The following B4GALNT2 variants were observed in gnomAD, a reference collection of about 807,000 sequenced individuals.
B4GALNT2 encodes the protein beta-1,4-N-acetyl-galactosaminyltransferase 2 (SID blood group).
Under a neutral mutation model 51.1 loss-of-function variants are expected in B4GALNT2, and 42 were observed. That is an observed-to-expected ratio of 0.82 (90% CI 0.64 to 1.06). B4GALNT2 has a LOEUF of 1.06. Ranked by LOEUF, B4GALNT2 falls within the 50% of genes least tolerant of loss-of-function variation. B4GALNT2 has a pLI of 0.00. For synonymous variants in B4GALNT2, 253 were observed against 251.7 expected (o/e 1.01, Z -0.05); for missense variants, 602 against 633.6 (o/e 0.95, Z 0.54).
the B4GALNT2 span, among the ~76,000 whole-genome samples, chr17:49,125,367 C>T: frequency 1.3e-5 from 2 of 152,068 alleles, no homozygotes; most frequent in South Asian, 2.1e-4. Flanking sequence ...ACCATGTTGG[C>T]CAGGCTGATC....
chr17:49,142,283 A>G, intron 3 of B4GALNT2, 111 bp downstream of exon 3: 1 of 1,379,158 alleles, frequency 7.3e-7, no homozygotes, highest in Non-Finnish European at 9.9e-7. Context: ...TCTCTCTTGC[A>G]AGGGTCCCTG....
rs1029238683 is a variant in B4GALNT2, at chr17:49,174,077, G to T, written c.*4349G>T. The T allele has an allele frequency of 2.0e-5, 3 of 152,118 alleles. No homozygotes were observed. In the East Asian group the frequency reaches 5.8e-4, roughly 29 times the overall value. The allele number at this position is 152,118 out of a possible 1,614,324, so 9.4% of individuals were successfully genotyped here. On this transcript the variant is annotated 3_prime_UTR_variant, in exon 11 of 11. Coordinates refer to ENST00000393354, the MANE Select transcript of B4GALNT2 (RefSeq NM_001159387.2). Reference sequence around the variant, plus strand: ...TCCCTACATATGGTTACTTTCTGTGGCACAATGATAGTGTCATTTACTGAA... The same window carrying T: ...TCCCTACATATGGTTACTTTCTGTGTCACAATGATAGTGTCATTTACTGAA...
chr17:49,167,820 G>A (rs1163515885), intron 9 of B4GALNT2, among the ~76,000 whole-genome samples: 4 of 152,008 alleles, frequency 2.6e-5, no homozygotes, highest in Non-Finnish European at 5.9e-5. Flanking sequence ...ATATTGGCCA[G>A]GCTGCTCTCG....
chr17:49,125,838 C>G, the B4GALNT2 span, among the ~76,000 whole-genome samples: 2 of 88,130 alleles, frequency 2.3e-5, no homozygotes, highest in Non-Finnish European at 5.1e-5. Flanking sequence ...AGTGAGGAGC[C>G]CCTCTGCCCG....
chr17:49,141,776 T>A (rs1177199787), intron 2 of B4GALNT2, among the ~76,000 whole-genome samples: 1 of 152,126 alleles, frequency 6.6e-6, no homozygotes, highest in Non-Finnish European at 1.5e-5. Flanking sequence ...GGCTCTCAGA[T>A]TTAAAGAAGT....
At chr17:49,159,273 G>A in intron 6 of B4GALNT2, 56 bp downstream of exon 6, 2 of 1,543,802 alleles carry the variant, frequency 1.3e-6, no homozygotes, top group South Asian at 1.2e-5. Flanking sequence ...ATACCTCTGG[G>A]CCCTTTCAAA....
intron 5 of B4GALNT2, 134 bp from the exon 6 acceptor site, chr17:49,158,903 C>A: frequency 9.4e-7 from 1 of 1,060,508 alleles, no homozygotes; most frequent in Non-Finnish European, 1.4e-6. Flanking sequence ...CCTACACTGT[C>A]AAGGGCACCC....
intron 1 of B4GALNT2, among the ~76,000 whole-genome samples, chr17:49,134,011 T>G (rs910459587): frequency 1.3e-5 from 2 of 152,320 alleles, no homozygotes; most frequent in Middle Eastern, 3.4e-3. Flanking sequence ...AAGGCGGCTT[T>G]GCATCCATCC....
At position 49,148,999 on chromosome 17, in the gene B4GALNT2, T is replaced by G. The variant is rs115024853; in HGVS notation, c.354-3801T>G. ...TGAACCTGGGCGGTGGAGGTTGCAA[T>G]AAGCCGAGATCGTGCCACTGAATTC... is the stretch of plus-strand genomic sequence containing the variant. On this transcript the variant is annotated intron_variant, in intron 3 of 10. Coordinates refer to ENST00000393354, the MANE Select transcript of B4GALNT2 (RefSeq NM_001159387.2). 3.7e-3 allele frequency: 568 copies of G among 153,146 alleles called. 6 individuals carry two copies. The highest frequency in any genetic ancestry group is 0.013 in the African/African-American group (535 of 40,424). The allele number at this position is 153,146 out of a possible 1,614,324, so 9.5% of individuals were successfully genotyped here.
intron 9 of B4GALNT2, among the ~76,000 whole-genome samples, chr17:49,166,504 T>C (rs1488282381): frequency 6.6e-6 from 1 of 152,192 alleles, no homozygotes; most frequent in Non-Finnish European, 1.5e-5. Context: ...TTGTTTTCTT[T>C]TAAAATTGTG....
intron 1 of B4GALNT2, among the ~76,000 whole-genome samples, chr17:49,136,308 TA>T (rs1334506832): frequency 1.3e-5 from 2 of 151,644 alleles, no homozygotes; most frequent in Non-Finnish European, 2.9e-5. Context: ...TGATCATTAC[TA>T]AAAAAGAAAG....
chr17:49,156,730 G>C (rs971451159), intron 5 of B4GALNT2, 127 bp downstream of exon 5: 1 of 1,043,662 alleles, frequency 9.6e-7, no homozygotes, highest in Admixed American at 2.5e-5. Context: ...CAAGGAGGGA[G>C]GGGATGGAAG....
At chr17:49,133,283 TCTC>T (rs2042558277) in intron 1 of B4GALNT2, 2 of 1,430,648 alleles carry the variant, frequency 1.4e-6, no homozygotes, top group Non-Finnish European at 1.8e-6. Context: ...GGCGGCTTGG[TCTC>T]CTCCACAGTC....
intron 9 of B4GALNT2, 29 bp downstream of exon 9, chr17:49,166,283 C>T (rs1290698968): frequency 6.5e-7 from 1 of 1,529,454 alleles, no homozygotes; most frequent in Non-Finnish European, 8.9e-7. Flanking sequence ...TTTCACCCAG[C>T]CACAATCTGT....
intron 1 of B4GALNT2, among the ~76,000 whole-genome samples, chr17:49,135,241 G>A (rs950666563): frequency 1.1e-4 from 17 of 152,058 alleles, no homozygotes; most frequent in Admixed American, 2.6e-4. Context: ...TCTGAGCTTC[G>A]GTTTGTTCCA....
intron 3 of B4GALNT2, among the ~76,000 whole-genome samples, chr17:49,143,701 G>C (rs1478775261): frequency 6.6e-6 from 1 of 152,212 alleles, no homozygotes; most frequent in Admixed American, 6.5e-5. Context: ...AGTTTATTTA[G>C]CTTACGATTC....
chr17:49,142,975 G>C (rs1160451481), intron 3 of B4GALNT2, among the ~76,000 whole-genome samples: 1 of 152,152 alleles, frequency 6.6e-6, no homozygotes, highest in African/African-American at 2.4e-5. Context: ...TTGGCTGGGC[G>C]CGGTGGCTCA....
intron 5 of B4GALNT2, among the ~76,000 whole-genome samples, chr17:49,158,782 G>A (rs117649765): frequency 5.3e-5 from 8 of 152,196 alleles, no homozygotes; most frequent in East Asian, 1.9e-4. Flanking sequence ...GGAACCCTGC[G>A]AGCTGAGAGA....
At chr17:49,131,169 A>C (rs2042535803), upstream of B4GALNT2, among the ~76,000 whole-genome samples, 1 of 152,224 alleles carries the variant, frequency 6.6e-6, no homozygotes, top group African/African-American at 2.4e-5. Context: ...TGAATATGGA[A>C]GCTCTTTGTA....
Sources: gnomAD v4.1 joint callset for allele counts (sites outside exome capture counted in the v4.1 genomes callset) on GRCh38, gnomAD v4.1.1 for gene constraint, MANE v1.5 for transcripts, NCBI Gene and HGNC (gene_info 2026-07-23, HGNC 2026-07-21) for gene names.